The following ESR2 variants were observed in gnomAD, a reference collection of about 807,000 sequenced individuals.
ESR2 encodes the protein estrogen receptor 2, also known as estrogen receptor beta.
Under a neutral mutation model 49.6 loss-of-function variants are expected in ESR2, and 36 were observed. The observed-to-expected ratio is 0.73, with a 90% CI of 0.56 to 0.96. The LOEUF is 0.96. ESR2 is among the 40% of genes least tolerant of loss of function. ESR2 has a pLI of 0.00. For missense variants in ESR2, 714 were observed against 693.0 expected, an observed-to-expected ratio of 1.03 and a Z score of -0.34; for synonymous variants, 320 against 266.1, an observed-to-expected ratio of 1.20 and a Z score of -1.97.
At chr14:64,260,388 T>A in intron 5 of ESR2, 61 bp downstream of exon 5, 1 of 1,455,262 alleles carries the variant, frequency 6.9e-7, no homozygotes, top group Non-Finnish European at 9.3e-7. Context: ...TCTTGCCCCT[T>A]AAATATTAGC....
At chr14:64,308,514 T>C (rs1252814642) in intron 1 of ESR2, among the ~76,000 whole-genome samples, 1 of 152,118 alleles carries the variant, frequency 6.6e-6, no homozygotes, top group Non-Finnish European at 1.5e-5. Flanking sequence ...TTTTTATTGA[T>C]TTCTAATTTA....
chr14:64,265,167 C>T (rs1032900585), intron 4 of ESR2, among the ~76,000 whole-genome samples: 2 of 152,166 alleles, frequency 1.3e-5, no homozygotes, highest in African/African-American at 4.8e-5. Context: ...GGCTTTGACA[C>T]TGTAACCTAG....
intron 8 of ESR2, chr14:64,233,999 G>T (rs2098729910): frequency 6.6e-6 from 1 of 152,226 alleles, no homozygotes; most frequent in Non-Finnish European, 1.5e-5. Flanking sequence ...GCAGCTGCTT[G>T]TTCCATCTCA....
chr14:64,276,009 G>C (rs1345886013), intron 3 of ESR2, among the ~76,000 whole-genome samples: 1 of 152,058 alleles, frequency 6.6e-6, no homozygotes, highest in Non-Finnish European at 1.5e-5. Context: ...CATTCAGTAT[G>C]CCAAAATAAA....
At chr14:64,302,193 T>C (rs2077030075) in intron 1 of ESR2, among the ~76,000 whole-genome samples, 1 of 150,362 alleles carries the variant, frequency 6.7e-6, no homozygotes, top group Admixed American at 6.7e-5. Context: ...TATTTATTTA[T>C]TTATTTATTT....
intron 7 of ESR2, among the ~76,000 whole-genome samples, chr14:64,240,503 T>G (rs2075698103): frequency 6.6e-6 from 1 of 152,266 alleles, no homozygotes; most frequent in South Asian, 2.1e-4. Context: ...CTTAATCTTT[T>G]TGTTTTGCTT....
At chr14:64,281,247 A>T (rs1013923720) in intron 2 of ESR2, among the ~76,000 whole-genome samples, 1 of 152,146 alleles carries the variant, frequency 6.6e-6, no homozygotes, top group Non-Finnish European at 1.5e-5. Flanking sequence ...CTAACAAGGG[A>T]TCCCCAGGCA....
intron 7 of ESR2, among the ~76,000 whole-genome samples, chr14:64,247,527 A>G (rs1218493460): frequency 6.6e-6 from 1 of 152,222 alleles, no homozygotes; most frequent in Non-Finnish European, 1.5e-5. Context: ...GATCTGATAT[A>G]TCCCTGTTGT....
In ESR2 at chr14:64,232,913, A is replaced by C. The variant is rs1228823234; in HGVS notation, c.*224T>G. ...GATCCTATGAGGCCATTGAGTGTGG[A>C]AACGCTGCATTCAAATGTGCCCTCT... On this transcript the variant is annotated 3_prime_UTR_variant, in exon 9 of 9. Transcript: ENST00000341099. 1 of 809,652 alleles carries C rather than the reference A, an allele frequency of 1.2e-6. No homozygotes were observed. Among genetic ancestry groups the C allele is most frequent in the African/African-American group, 1.7e-5 (1 of 58,824 alleles). 50.2% of individuals were successfully genotyped at this position (809,652 alleles called of 1,614,324 possible). A position where few individuals can be genotyped will look rare whatever the true frequency, so the allele number is the denominator to read the frequency against.
chr14:64,270,678 T>C (rs2076426927), intron 3 of ESR2, among the ~76,000 whole-genome samples: 1 of 152,076 alleles, frequency 6.6e-6, no homozygotes, highest in Non-Finnish European at 1.5e-5. Context: ...CCCAGCTAAT[T>C]TTTGTATTTT....
At position 64,233,091 on chromosome 14, in the gene ESR2, C is replaced by T; in HGVS notation, c.*46G>A. 4 of 1,588,094 alleles carry T rather than the reference C, an allele frequency of 2.5e-6. No homozygotes were observed. Among genetic ancestry groups the T allele is most frequent in the Non-Finnish European group, 3.4e-6 (4 of 1,162,954 alleles). ...GGCTCCTGACACACTGGAGTTCACG[C>T]TTCAGCCTGTGACCTCTGTGGGCCA... On this transcript the variant is annotated 3_prime_UTR_variant, in exon 9 of 9. Transcript: ENST00000341099.
chr14:64,335,141 A>T (rs753175190), intron 1 of ESR2, among the ~76,000 whole-genome samples: 14 of 152,218 alleles, frequency 9.2e-5, no homozygotes, highest in Admixed American at 9.2e-4. Flanking sequence ...AATTAATGAA[A>T]TAATTTTAGA....
intron 4 of ESR2, among the ~76,000 whole-genome samples, chr14:64,262,089 T>C (rs1271767408): frequency 6.6e-6 from 1 of 151,884 alleles, no homozygotes; most frequent in Non-Finnish European, 1.5e-5. Context: ...AGTTGATTTA[T>C]ATGCTTGTTC....
In ESR2 at chr14:64,229,506, G is replaced by A. The variant is rs1031713319; in HGVS notation, c.*3631C>T. ...TCTGTAGGGGTGTTCTGGACATTGT[G>A]GTGGGAGGTAAGGGGGTATCACAAG... On this transcript the variant is annotated 3_prime_UTR_variant, in exon 9 of 9. Coordinates refer to ENST00000341099, the MANE Select transcript of ESR2 (RefSeq NM_001437.3). Among the ~76,000 whole-genome samples the A allele has an allele frequency of 1.2e-4, 19 of 152,320 alleles. No individual in the cohort carries two copies. Among genetic ancestry groups the A allele is most frequent in the African/African-American group, 4.6e-4 (19 of 41,564 alleles).
intron 1 of ESR2, among the ~76,000 whole-genome samples, chr14:64,303,021 A>C (rs1254245223): frequency 6.6e-6 from 1 of 151,962 alleles, no homozygotes; most frequent in Non-Finnish European, 1.5e-5. Context: ...GCTGGTCTCC[A>C]ACTCCCGACC....
chr14:64,265,816 G>A (rs1223120857), intron 4 of ESR2, among the ~76,000 whole-genome samples: 1 of 152,102 alleles, frequency 6.6e-6, no homozygotes, highest in Non-Finnish European at 1.5e-5. Context: ...CAGACTACAT[G>A]GTTTCAAAAT....
chr14:64,337,679 TAATC>T (rs778830664), intron 1 of ESR2: 9 of 152,192 alleles, frequency 5.9e-5, no homozygotes, highest in Non-Finnish European at 1.3e-4. Flanking sequence ...ATAAAACTGT[TAATC>T]AAACAAAAAA....
chr14:64,328,495 C>A (rs2077416635), intron 1 of ESR2, among the ~76,000 whole-genome samples: 1 of 152,068 alleles, frequency 6.6e-6, no homozygotes, highest in African/African-American at 2.4e-5. Flanking sequence ...ATTTCAGAAA[C>A]CATCCTTTTT....
chr14:64,244,682 G>T (rs902258897), intron 7 of ESR2, among the ~76,000 whole-genome samples: 3 of 152,182 alleles, frequency 2.0e-5, no homozygotes, highest in Non-Finnish European at 2.9e-5. Flanking sequence ...CTAGTTCTCA[G>T]GTCTTTCCAT....
Sources: gnomAD v4.1 joint callset for allele counts (sites outside exome capture counted in the v4.1 genomes callset) on GRCh38, gnomAD v4.1.1 for gene constraint, MANE v1.5 for transcripts, NCBI Gene and HGNC (gene_info 2026-07-23, HGNC 2026-07-21) for gene names.